Variants in ADAMTSL3 observed in about 807,000 individuals in gnomAD.
ADAMTSL3 encodes the protein ADAMTS like 3.
Under a neutral mutation model 201.7 loss-of-function variants are expected in ADAMTSL3, and 128 were observed. The ratio of observed to expected loss-of-function variants is 0.63; its 90% CI spans 0.55 to 0.73. The LOEUF is 0.73. ADAMTSL3 is among the 30% of genes least tolerant of loss of function. ADAMTSL3 has a pLI of 0.00. For missense variants in ADAMTSL3, 1,990 were observed against 2,119.6 expected, an observed-to-expected ratio of 0.94 and a Z score of 1.20; for synonymous variants, 738 against 748.4, an observed-to-expected ratio of 0.99 and a Z score of 0.23.
At chr15:84,014,794 T>C in intron 24 of ADAMTSL3, 70 bp downstream of exon 24, 2 of 1,464,984 alleles carry the variant, frequency 1.4e-6, no homozygotes, top group Non-Finnish European at 1.8e-6. Context: ...CCAGTTTTGT[T>C]GATTTTGGAG....
chr15:83,798,763 C>T (rs542150478), intron 4 of ADAMTSL3, among the ~76,000 whole-genome samples: 4 of 143,546 alleles, frequency 2.8e-5, no homozygotes, highest in Admixed American at 7.2e-5. Context: ...GCTGAGATCG[C>T]GCCATTGCAC....
chr15:83,925,459 C>T (rs1231022536), intron 17 of ADAMTSL3, among the ~76,000 whole-genome samples: 1 of 152,162 alleles, frequency 6.6e-6, no homozygotes, highest in African/African-American at 2.4e-5. Flanking sequence ...GGCCCAGAAA[C>T]AGCACTGGGA....
Position 83,831,895 on chromosome 15 carries a change from G to A in ADAMTSL3, c.601-6194G>A, listed in dbSNP as rs554681850. Among the ~76,000 whole-genome samples, 20 of 152,274 alleles carry A rather than the reference G, an allele frequency of 1.3e-4. No homozygotes were observed. The East Asian group carries it at 2.9e-3, about 22-fold the overall frequency. ...AACTTCATGGTAAATCCATGAATGCGCAAGGATATATGTTGCCAGGCAGGT... is the reference window on the plus strand; with the variant it reads ...AACTTCATGGTAAATCCATGAATGCACAAGGATATATGTTGCCAGGCAGGT... On this transcript the variant is annotated intron_variant, in intron 6 of 29. Transcript: ENST00000286744.
chr15:83,848,374 G>T (rs2064544759), intron 7 of ADAMTSL3, among the ~76,000 whole-genome samples: 1 of 152,170 alleles, frequency 6.6e-6, no homozygotes, highest in African/African-American at 2.4e-5. Flanking sequence ...GATGTTTATT[G>T]ATTAGTTAAT....
chr15:83,888,732 A>T (rs2065446587), intron 10 of ADAMTSL3, among the ~76,000 whole-genome samples: 1 of 152,174 alleles, frequency 6.6e-6, no homozygotes, highest in Non-Finnish European at 1.5e-5. Context: ...AGATATTGGC[A>T]CCCAAGTAAC....
intron 3 of ADAMTSL3, among the ~76,000 whole-genome samples, chr15:83,737,627 T>C (rs1404420868): frequency 3.3e-5 from 5 of 152,166 alleles, no homozygotes; most frequent in African/African-American, 1.2e-4. Flanking sequence ...TCTCGGGCAG[T>C]TCTTTATAGC....
At chr15:83,819,682 G>A in intron 5 of ADAMTSL3, 129 bp from the exon 6 acceptor site, 2 of 653,650 alleles carry the variant, frequency 3.1e-6, no homozygotes, top group Non-Finnish European at 5.3e-6. Context: ...AAAAAAAAGA[G>A]GGAATTAGGT....
intron 7 of ADAMTSL3, among the ~76,000 whole-genome samples, chr15:83,838,427 C>A (rs1055544412): frequency 2.0e-5 from 3 of 152,124 alleles, no homozygotes; most frequent in African/African-American, 7.2e-5. Context: ...TGAACCTTTG[C>A]CAATGCAGGG....
intron 3 of ADAMTSL3, among the ~76,000 whole-genome samples, chr15:83,722,598 TAAA>T: frequency 6.6e-6 from 1 of 152,162 alleles, no homozygotes; most frequent in African/African-American, 2.4e-5. Flanking sequence ...TCAAAACCTA[TAAA>T]CATTACAAAT....
chr15:83,908,771 G>A (rs554573834), intron 15 of ADAMTSL3, among the ~76,000 whole-genome samples: 4 of 152,296 alleles, frequency 2.6e-5, no homozygotes, highest in Admixed American at 6.5e-5. Flanking sequence ...ACTTAGCGGT[G>A]TAAAACAACA....
intron 6 of ADAMTSL3, among the ~76,000 whole-genome samples, chr15:83,822,644 G>A (rs1176372100): frequency 1.2e-4 from 18 of 151,562 alleles, no homozygotes; most frequent in Admixed American, 6.6e-4. Context: ...GATGGTGGCC[G>A]GGAAGAGGCA....
At chr15:83,852,655 A>G (rs1337728879) in intron 7 of ADAMTSL3, among the ~76,000 whole-genome samples, 2 of 152,030 alleles carry the variant, frequency 1.3e-5, no homozygotes, top group Non-Finnish European at 2.9e-5. Context: ...TCTCCTGCTA[A>G]TTTGTGTTTT....
At chr15:83,719,801 T>G (rs2062072722) in intron 3 of ADAMTSL3, among the ~76,000 whole-genome samples, 1 of 152,234 alleles carries the variant, frequency 6.6e-6, no homozygotes, top group Non-Finnish European at 1.5e-5. Flanking sequence ...TCAACTTTGC[T>G]GTGAATTGGA....
chr15:83,884,961 T>C, intron 9 of ADAMTSL3, 140 bp from the exon 10 acceptor site: 1 of 597,856 alleles, frequency 1.7e-6, no homozygotes, highest in Non-Finnish European at 2.9e-6. Context: ...CATCTTAAAC[T>C]TATTGGACTC....
chr15:83,693,315 G>C (rs1274339388), intron 2 of ADAMTSL3, among the ~76,000 whole-genome samples: 2 of 152,186 alleles, frequency 1.3e-5, no homozygotes, highest in Non-Finnish European at 2.9e-5. Context: ...GAACAGCCAG[G>C]GACAGCAGGA....
At position 83,911,356 on chromosome 15, in the gene ADAMTSL3, A is replaced by G. The variant is rs138770142; in HGVS notation, c.1701-1736A>G. On this transcript the variant is annotated intron_variant, in intron 15 of 29. Transcript: ENST00000286744. ...GACTGTGTGTATGTAGCATATATGT[A>G]TAATGTATTTATTTCATTTAACAGT... 1.9e-3 allele frequency among the ~76,000 whole-genome samples: 289 copies of G among 152,360 alleles called. 1 individual carries two copies. The highest frequency in any genetic ancestry group is 3.4e-3 in the Middle Eastern group (1 of 294).
At chr15:83,824,890 C>T (rs1201772294) in intron 6 of ADAMTSL3, 1 of 152,070 alleles carries the variant, frequency 6.6e-6, no homozygotes, top group East Asian at 1.9e-4. Context: ...CACAAATTTG[C>T]ATGTCATCTT....
chr15:83,919,298 A>C (rs1330025140), intron 16 of ADAMTSL3, among the ~76,000 whole-genome samples: 1 of 152,140 alleles, frequency 6.6e-6, no homozygotes, highest in Non-Finnish European at 1.5e-5. Flanking sequence ...TCTTGAGGAA[A>C]TTCAACATTC....
intron 21 of ADAMTSL3, among the ~76,000 whole-genome samples, chr15:83,987,222 T>A (rs2067496353): frequency 6.6e-6 from 1 of 152,250 alleles, no homozygotes; most frequent in South Asian, 2.1e-4. Flanking sequence ...AACAGCGAGG[T>A]CTGCCATACT....
Sources: gnomAD v4.1 joint callset for allele counts (sites outside exome capture counted in the v4.1 genomes callset) on GRCh38, gnomAD v4.1.1 for gene constraint, MANE v1.5 for transcripts, NCBI Gene and HGNC (gene_info 2026-07-23, HGNC 2026-07-21) for gene names.